PACRG: variants seen among roughly 807,000 people sequenced by gnomAD.
The protein encoded by PACRG is parkin coregulated gene protein.
In PACRG, 29 loss-of-function variants were observed where a neutral mutation model predicts 29.7. The ratio of observed to expected loss-of-function variants is 0.98; its 90% CI spans 0.73 to 1.33. PACRG has a LOEUF of 1.33. PACRG is among the 40% of genes most tolerant of loss of function. The pLI is 0.00. For synonymous variants in PACRG, 116 were observed against 118.7 expected (o/e 0.98, Z 0.15); for missense variants, 279 against 316.2 (o/e 0.88, Z 0.89).
intron 2 of PACRG, among the ~76,000 whole-genome samples, chr6:162,928,264 T>G (rs1344620858): frequency 6.6e-6 from 1 of 152,036 alleles, no homozygotes; most frequent in Admixed American, 6.6e-5. Context: ...TGCCGAGAAA[T>G]TCATCCATTT....
In PACRG at chr6:162,814,207, C is replaced by A. The variant is rs376828813; in HGVS notation, c.217C>A (p.Arg73=). The change falls in exon 2 of 5, where the codon CGA becomes AGA. Residue 73 remains arginine, a synonymous_variant. Coordinates refer to ENST00000366888, the MANE Select transcript of PACRG (RefSeq NM_001080379.2). Reference sequence around the variant, plus strand: ...AAGACCAACCAAGCCCACAGCATTTCGAAAATTCTATGAGCGAGGTGACTT... The same window carrying A: ...AAGACCAACCAAGCCCACAGCATTTAGAAAATTCTATGAGCGAGGTGACTT... ...KERPTKPTAF[R]KFYERGDFPI... 9 of 1,613,622 alleles carry A rather than the reference C, an allele frequency of 5.6e-6. No homozygotes were observed. In the African/African-American group the frequency reaches 1.2e-4, roughly 22 times the overall value.
chr6:162,912,077 G>A (rs911858044), intron 2 of PACRG, among the ~76,000 whole-genome samples: 9 of 152,214 alleles, frequency 5.9e-5, no homozygotes, highest in Non-Finnish European at 1.0e-4. Context: ...CTTTCTCATA[G>A]CAGAGAGCAC....
intron 1 of PACRG, among the ~76,000 whole-genome samples, chr6:162,787,231 A>C (rs990449474): frequency 6.6e-6 from 1 of 152,040 alleles, no homozygotes; most frequent in African/African-American, 2.4e-5. Flanking sequence ...TAGTTTTATT[A>C]CCTATTGGAG....
At chr6:163,010,786 C>T (rs1805537847) in intron 2 of PACRG, among the ~76,000 whole-genome samples, 1 of 152,136 alleles carries the variant, frequency 6.6e-6, no homozygotes, top group Admixed American at 6.5e-5. Flanking sequence ...GGGAATGACA[C>T]GGATATAAAG....
intron 2 of PACRG, among the ~76,000 whole-genome samples, chr6:162,965,523 G>T (rs971239895): frequency 1.3e-5 from 2 of 152,154 alleles, no homozygotes; most frequent in Non-Finnish European, 2.9e-5. Context: ...GGCCTCTTTT[G>T]TAAGGGGACT....
intron 1 of PACRG, among the ~76,000 whole-genome samples, chr6:162,739,900 A>G (rs190530946): frequency 6.7e-6 from 1 of 150,276 alleles, no homozygotes; most frequent in East Asian, 1.9e-4. Flanking sequence ...TGATCCTAAT[A>G]TTGTAAGGTT....
chr6:162,968,863 A>G (rs1052932405), intron 2 of PACRG, among the ~76,000 whole-genome samples: 1 of 151,980 alleles, frequency 6.6e-6, no homozygotes, highest in Non-Finnish European at 1.5e-5. Flanking sequence ...CCTGGCCAAC[A>G]TGGCGAAACC....
chr6:163,125,341 G>A (rs1585244293), intron 4 of PACRG, among the ~76,000 whole-genome samples: 1 of 152,144 alleles, frequency 6.6e-6, no homozygotes, highest in South Asian at 2.1e-4. Flanking sequence ...TCAGAGTGAG[G>A]AAGCCATTTT....
intron 4 of PACRG, among the ~76,000 whole-genome samples, chr6:163,176,187 C>T (rs570418729): frequency 2.0e-5 from 3 of 152,278 alleles, no homozygotes; most frequent in African/African-American, 4.8e-5. Flanking sequence ...TTTGAACGGC[C>T]TCTTTATTTC....
At chr6:163,017,463 T>C (rs986337488) in intron 2 of PACRG, among the ~76,000 whole-genome samples, 2 of 152,144 alleles carry the variant, frequency 1.3e-5, no homozygotes, top group Non-Finnish European at 2.9e-5. Context: ...TGCAGCCTTC[T>C]TCAATTCATA....
Position 162,728,137 on chromosome 6 carries a change from C to A in PACRG, c.-99C>A. ...AGGGGTTGAATTTCTACCATTATCG[C>A]GCCTTTTGATATTTTTTTCCAGACC... On this transcript the variant is annotated 5_prime_UTR_variant, in exon 1 of 5. Transcript: ENST00000366888. 6 of 1,381,122 alleles carry A rather than the reference C, an allele frequency of 4.3e-6. No homozygotes were observed. The highest frequency in any genetic ancestry group is 5.9e-6 in the Non-Finnish European group (6 of 1,009,784). The allele number at this position is 1,381,122 out of a possible 1,614,324, so 85.6% of individuals were successfully genotyped here.
intron 2 of PACRG, among the ~76,000 whole-genome samples, chr6:163,044,474 A>G (rs1809107100): frequency 6.6e-6 from 1 of 152,194 alleles, no homozygotes; most frequent in Non-Finnish European, 1.5e-5. Flanking sequence ...GCTGACAATT[A>G]TTAAAACTAC....
chr6:163,167,836 A>G (rs1445780765), intron 4 of PACRG, among the ~76,000 whole-genome samples: 1 of 152,226 alleles, frequency 6.6e-6, no homozygotes, highest in Non-Finnish European at 1.5e-5. Context: ...ATCTCCTTGA[A>G]GCCATTTTTG....
At chr6:162,868,538 G>T (rs571961265) in intron 2 of PACRG, among the ~76,000 whole-genome samples, 8 of 152,146 alleles carry the variant, frequency 5.3e-5, no homozygotes, top group Non-Finnish European at 1.2e-4. Flanking sequence ...ACAGAGGATA[G>T]GGACTCTGTC....
chr6:162,783,397 G>A (rs962919485), intron 1 of PACRG, among the ~76,000 whole-genome samples: 4 of 151,900 alleles, frequency 2.6e-5, no homozygotes, highest in South Asian at 4.1e-4. Context: ...CATTTTTTAA[G>A]CATTCTTACT....
chr6:162,908,080 C>T (rs190885340), intron 2 of PACRG, among the ~76,000 whole-genome samples: 77 of 152,236 alleles, frequency 5.1e-4, no homozygotes, highest in South Asian at 2.7e-3. Context: ...GGTATGTAAC[C>T]ACCAGATGTC....
intron 2 of PACRG, among the ~76,000 whole-genome samples, chr6:163,044,147 C>A (rs1809055206): frequency 6.6e-6 from 1 of 150,628 alleles, no homozygotes; most frequent in African/African-American, 2.5e-5. Flanking sequence ...GTTCAGCTTG[C>A]CTATAATATG....
intron 2 of PACRG, among the ~76,000 whole-genome samples, chr6:163,047,265 T>C (rs569306012): frequency 6.6e-6 from 1 of 152,348 alleles, no homozygotes; most frequent in East Asian, 1.9e-4. Context: ...ATTCTCCCTC[T>C]ACCTCTGACC....
At chr6:163,212,349 G>T (rs1172726580) in intron 4 of PACRG, among the ~76,000 whole-genome samples, 1 of 152,148 alleles carries the variant, frequency 6.6e-6, no homozygotes, top group Non-Finnish European at 1.5e-5. Flanking sequence ...AAAGCAGTGA[G>T]CACATCTGGT....
Sources: gnomAD v4.1 joint callset for allele counts (sites outside exome capture counted in the v4.1 genomes callset) on GRCh38, gnomAD v4.1.1 for gene constraint, MANE v1.5 for transcripts, NCBI Gene and HGNC (gene_info 2026-07-23, HGNC 2026-07-21) for gene names.